Variants in FGF13 observed in about 807,000 individuals in gnomAD.
The protein encoded by FGF13 is fibroblast growth factor homologous factor 2.
FGF13 carries 2 observed loss-of-function variants against 19.5 expected under a neutral mutation model. The observed-to-expected ratio is 0.10, with a 90% confidence interval of 0.04 to 0.32. The LOEUF (loss-of-function observed/expected upper bound fraction) is 0.32, where lower values mean the gene tolerates loss of function less well. Among genes scored for constraint, FGF13 ranks in the 10% least tolerant of loss-of-function variants. The pLI is 1.00. For missense variants in FGF13, 113 were observed against 192.7 expected (o/e 0.59, Z 2.45); for synonymous variants, 72 against 76.9 (o/e 0.94, Z 0.33).
intron 1 of FGF13, among the ~76,000 whole-genome samples, chrX:138,915,705 AT>A (rs778619834): frequency 8.9e-6 from 1 of 111,784 alleles, no homozygotes; most frequent in African/African-American, 3.2e-5. Flanking sequence ...ATTGTCACCA[AT>A]TTTTATACCC....
At chrX:138,781,155 G>A (rs1444948071) in intron 3 of FGF13, among the ~76,000 whole-genome samples, 11 of 110,841 alleles carry the variant, frequency 9.9e-5, no homozygotes, top group Non-Finnish European at 1.9e-4. Flanking sequence ...TCTCTGGGAC[G>A]CATTCAAAGC....
chrX:139,103,392 C>T (rs1213661622), intron 1 of FGF13, among the ~76,000 whole-genome samples: 1 of 112,135 alleles, frequency 8.9e-6, no homozygotes, highest in Non-Finnish European at 1.9e-5. Context: ...GAATTATAAA[C>T]AGTACTAAGG....
chrX:138,984,523 G>GAACAAGAAGAAGAAGAA lies in FGF13; in HGVS notation c.-112-119874_-112-119873insTTCTTCTTCTTCTTGTT, dbSNP rs2091979498. Among the ~76,000 whole-genome samples, 116 of 31,584 alleles carry GAACAAGAAGAAGAAGAA rather than the reference G, an allele frequency of 3.7e-3. 32 individuals are homozygous for GAACAAGAAGAAGAAGAA. Among genetic ancestry groups the GAACAAGAAGAAGAAGAA allele is most frequent in the South Asian group, 6.3e-3 (2 of 316 alleles). 27.4% of individuals were successfully genotyped at this position (31,584 alleles called of 115,157 possible). ...AAGGAGAAGAAGAGGAAGAAGAAGA[G>GAACAAGAAGAAGAAGAA]GAAGAAGAAGAAGAAGAAGAAGAAG... On this transcript the variant is annotated intron_variant, in intron 1 of 2. Coordinates refer to the FGF13 transcript ENST00000421460.
At chrX:138,831,165 G>A (rs376961348) in intron 3 of FGF13, among the ~76,000 whole-genome samples, 3 of 111,929 alleles carry the variant, frequency 2.7e-5, no homozygotes, top group African/African-American at 9.7e-5. Flanking sequence ...TGGAAGGCAG[G>A]AGCTGTGTAG....
chrX:138,792,263 T>C (rs1198659286), intron 3 of FGF13, among the ~76,000 whole-genome samples: 1 of 112,380 alleles, frequency 8.9e-6, no homozygotes, highest in Non-Finnish European at 1.9e-5. Context: ...ATATTTTCTG[T>C]ACTTTTTAAA....
intron 1 of FGF13, among the ~76,000 whole-genome samples, chrX:139,146,638 T>C (rs1229889594): frequency 8.9e-6 from 1 of 112,142 alleles, no homozygotes; most frequent in Non-Finnish European, 1.9e-5. Flanking sequence ...CAAAGGACTA[T>C]AAATCATGCT....
chrX:138,853,620 CGT>C (rs34651876), downstream of FGF13, among the ~76,000 whole-genome samples: 26,766 of 99,264 alleles, frequency 0.27, 2,800 homozygotes, highest in East Asian at 0.44. Context: ...TGTGCGTGTG[CGT>C]GTGTGTGTGT....
At chrX:138,785,377 T>C (rs2090684171) in intron 3 of FGF13, among the ~76,000 whole-genome samples, 1 of 111,864 alleles carries the variant, frequency 8.9e-6, no homozygotes, top group Non-Finnish European at 1.9e-5. Context: ...CTGTCCCCTT[T>C]CACAACCAAA....
Position 139,141,102 on chromosome X carries a change from T to TACACACACACACAC in FGF13, c.-113+62300_-113+62313dup, listed in dbSNP as rs748785543. Among the ~76,000 whole-genome samples, 175 of 97,195 alleles carry TACACACACACACAC rather than the reference T, an allele frequency of 1.8e-3. 1 individual carries two copies. The South Asian group carries it at 0.027, about 15-fold the overall frequency. The allele number at this position is 97,195 out of a possible 115,157, so 84.4% of individuals were successfully genotyped here. On this transcript the variant is annotated intron_variant, in intron 1 of 2. Coordinates refer to the FGF13 transcript ENST00000421460. ...ATAGATAGATAGATAGATAAGAGTGTACACACACACACACACACACACACA... is the reference window on the plus strand; with the variant it reads ...ATAGATAGATAGATAGATAAGAGTGTACACACACACACACACACACACACACACACACACACACA...
chrX:138,750,841 G>A (rs1486974337), intron 3 of FGF13, among the ~76,000 whole-genome samples: 1 of 111,010 alleles, frequency 9.0e-6, no homozygotes, highest in Non-Finnish European at 1.9e-5. Context: ...TGGATGAGCT[G>A]CTCTAGGAAG....
At position 138,666,284 on chromosome X, in the gene FGF13, G is replaced by A. The variant is rs986611333; in HGVS notation, c.403-30629C>T. 2.7e-5 allele frequency among the ~76,000 whole-genome samples: 3 copies of A among 110,911 alleles called. No individual in the cohort carries two copies. In the East Asian group the frequency reaches 8.5e-4, roughly 32 times the overall value. ...GAGTTTTTTCTACATATAATACACT[G>A]TGTATTTGCATTCCTGAAAAGAAAA... is the stretch of plus-strand genomic sequence containing the variant. On this transcript the variant is annotated intron_variant, in intron 3 of 4. Transcript: ENST00000315930.
At chrX:138,857,779 C>T in intron 2 of FGF13, 1 of 725,335 alleles carries the variant, frequency 1.4e-6, no homozygotes, top group Non-Finnish European at 1.9e-6. Context: ...AAAGAAACAA[C>T]AGCCCTAAGA....
intron 1 of FGF13, among the ~76,000 whole-genome samples, chrX:138,949,642 A>G (rs996664227): frequency 1.8e-5 from 2 of 111,894 alleles, no homozygotes; most frequent in African/African-American, 3.2e-5. Context: ...ACTTCAACTC[A>G]GTAAAGATGG....
chrX:138,746,728 G>T (rs2090359318), intron 3 of FGF13, among the ~76,000 whole-genome samples: 1 of 112,098 alleles, frequency 8.9e-6, no homozygotes, highest in African/African-American at 3.2e-5. Context: ...CTGTAAAGTG[G>T]ATCCAAAAAT....
chrX:138,779,311 C>G (rs758424172), intron 3 of FGF13, among the ~76,000 whole-genome samples: 1 of 112,033 alleles, frequency 8.9e-6, no homozygotes, highest in Non-Finnish European at 1.9e-5. Flanking sequence ...CAAAGCTGGA[C>G]GGAGAATGAC....
intron 1 of FGF13, among the ~76,000 whole-genome samples, chrX:139,097,287 C>T (rs1330650417): frequency 9.0e-6 from 1 of 111,016 alleles, no homozygotes; most frequent in Non-Finnish European, 1.9e-5. Flanking sequence ...ATAAAATACA[C>T]TAAGACTAAT....
chrX:139,045,322 C>A (rs980457156), intron 1 of FGF13, among the ~76,000 whole-genome samples: 1 of 112,233 alleles, frequency 8.9e-6, no homozygotes, highest in African/African-American at 3.3e-5. Context: ...TCTCCCAGGC[C>A]TCTGGGCCTG....
intron 3 of FGF13, among the ~76,000 whole-genome samples, chrX:138,789,202 C>T (rs2090718621): frequency 9.0e-6 from 1 of 110,617 alleles, no homozygotes; most frequent in Admixed American, 9.6e-5. Flanking sequence ...CAGAGTCTCC[C>T]TCTGTCGCCA....
intron 1 of FGF13, among the ~76,000 whole-genome samples, chrX:138,726,696 C>T (rs1009625923): frequency 8.9e-6 from 1 of 112,011 alleles, no homozygotes; most frequent in African/African-American, 3.2e-5. Context: ...CTCAGCTTGC[C>T]CTACTATGGG....
Sources: gnomAD v4.1 joint callset for allele counts (sites outside exome capture counted in the v4.1 genomes callset) on GRCh38, gnomAD v4.1.1 for gene constraint, MANE v1.5 for transcripts, NCBI Gene and HGNC (gene_info 2026-07-23, HGNC 2026-07-21) for gene names.